Variants in MYH15 observed in about 807,000 individuals in gnomAD.
MYH15 encodes the protein myosin-15.
In MYH15, 227 loss-of-function variants were observed where a neutral mutation model predicts 240.5. The observed-to-expected ratio is 0.94, with a 90% CI of 0.85 to 1.05. The LOEUF is 1.05. Among genes scored for constraint, MYH15 ranks in the 50% least tolerant of loss-of-function variants. The probability of loss-of-function intolerance (pLI) is 0.00; values close to 1 mark genes in which losing one functional copy is unlikely to be tolerated. For synonymous variants in MYH15, 785 were observed against 796.7 expected, an observed-to-expected ratio of 0.99 and a Z score of 0.25; for missense variants, 2,217 against 2,247.5, an observed-to-expected ratio of 0.99 and a Z score of 0.27.
intron 12 of MYH15, among the ~76,000 whole-genome samples, chr3:108,473,100 A>G (rs1413679802): frequency 2.0e-5 from 3 of 152,268 alleles, no homozygotes; most frequent in South Asian, 2.1e-4. Flanking sequence ...CTCCGCCTCC[A>G]AGGTTCAAAC....
chr3:108,408,821 G>A (rs2082565895), intron 31 of MYH15, among the ~76,000 whole-genome samples: 1 of 152,166 alleles, frequency 6.6e-6, no homozygotes, highest in African/African-American at 2.4e-5. Flanking sequence ...ACTGCGACAG[G>A]AACTTAAAGT....
In MYH15 at chr3:108,444,873, A is replaced by AC. The variant is rs1251850552; in HGVS notation, c.2421_2422insG (p.Trp808ValfsTer26). On this transcript the variant is annotated frameshift_variant, in exon 22 of 41. Coordinates refer to ENST00000693548, the MANE Select transcript of MYH15 (RefSeq NM_014981.3). LOFTEE classifies it high-confidence loss of function. The stretch of plus-strand genomic sequence containing the variant: ...ACAGCCATGAAAGCTCTTATGTTCC[A>AC]TTGGATCAAAATAAGTGCATCCCTA... The AC allele has an allele frequency of 6.2e-7, 1 of 1,612,584 alleles. No individual in the cohort carries two copies. Among genetic ancestry groups the AC allele is most frequent in the African/African-American group, 1.3e-5 (1 of 74,782 alleles).
upstream of MYH15, among the ~76,000 whole-genome samples, chr3:108,530,531 T>C (rs571481642): frequency 6.8e-4 from 103 of 152,292 alleles, no homozygotes; most frequent in African/African-American, 1.9e-3. Flanking sequence ...TCCAGACCCA[T>C]AGGATGTACA....
chr3:108,516,708 T>C (rs2083575282), intron 1 of MYH15, among the ~76,000 whole-genome samples: 2 of 152,346 alleles, frequency 1.3e-5, no homozygotes, highest in South Asian at 4.1e-4. Context: ...CCAGCTACGC[T>C]ACCTGCAATT....
chr3:108,386,940 T>C (rs934899972), intron 38 of MYH15, among the ~76,000 whole-genome samples: 6 of 152,118 alleles, frequency 3.9e-5, no homozygotes, highest in African/African-American at 1.4e-4. Context: ...TGACCTTCTA[T>C]AGCAGTTACA....
intron 28 of MYH15, among the ~76,000 whole-genome samples, chr3:108,420,779 G>A (rs2107554725): frequency 6.6e-6 from 1 of 152,280 alleles, no homozygotes; most frequent in South Asian, 2.1e-4. Flanking sequence ...TTGTAAAAAT[G>A]TCATGACTAG....
intron 25 of MYH15, among the ~76,000 whole-genome samples, chr3:108,431,155 C>T (rs2082775790): frequency 6.6e-6 from 1 of 152,094 alleles, no homozygotes; most frequent in South Asian, 2.1e-4. Flanking sequence ...CAGGCTTTAA[C>T]CAAAAGTAAA....
At chr3:108,544,628 C>T in the MYH15 span, among the ~76,000 whole-genome samples, 1 of 152,134 alleles carries the variant, frequency 6.6e-6, no homozygotes, top group Non-Finnish European at 1.5e-5. Flanking sequence ...GGTGACCTTG[C>T]TTATTGTTCT....
chr3:108,491,901 A>G (rs572397528), intron 9 of MYH15, among the ~76,000 whole-genome samples: 1 of 151,748 alleles, frequency 6.6e-6, no homozygotes, highest in South Asian at 2.1e-4. Context: ...GTCTGACTGA[A>G]TCCCCTTCCC....
intron 14 of MYH15, among the ~76,000 whole-genome samples, chr3:108,466,719 C>T (rs1034078630): frequency 5.3e-5 from 8 of 152,278 alleles, no homozygotes; most frequent in Admixed American, 5.2e-4. Flanking sequence ...ACTACAAAGC[C>T]TGCCTCCTAA....
At position 108,443,218 on chromosome 3, in the gene MYH15, G is replaced by A. The variant is rs374529809; in HGVS notation, c.2655+1422C>T. 1.1e-4 allele frequency among the ~76,000 whole-genome samples: 17 copies of A among 152,170 alleles called. No homozygotes were observed. In the East Asian group the frequency reaches 1.5e-3, roughly 14 times the overall value. On this transcript the variant is annotated intron_variant, in intron 22 of 40. Coordinates refer to ENST00000693548, the MANE Select transcript of MYH15 (RefSeq NM_014981.3). ...TTTGTATTTTTAACAAGCATACCAG[G>A]TAAGACTGTATACATTGAAGTTGTA... is the stretch of plus-strand genomic sequence containing the variant.
rs755906960 is a variant in MYH15, at chr3:108,444,852, C to A, written c.2443G>T (p.Ala815Ser). The change falls in exon 22 of 41, where the codon GCT becomes TCT. Residue 815 changes from alanine to serine, a missense_variant. Coordinates refer to ENST00000693548, the MANE Select transcript of MYH15 (RefSeq NM_014981.3). ...CTCATCCAGGGCCAGTTCTTCACAG[C>A]CATGAAAGCTCTTATGTTCCATTGG... ...LIQWNIRAFMAVKNWPWMRLF... is the reference protein window; with the variant it reads ...LIQWNIRAFMSVKNWPWMRLF... The A allele has an allele frequency of 6.2e-6, 10 of 1,613,982 alleles. No individual in the cohort carries two copies. The highest frequency in any genetic ancestry group is 8.5e-6 in the Non-Finnish European group (10 of 1,179,930).
rs942617691 is a variant in MYH15 at position 108,456,780 on chromosome 3, A to G, written c.2124T>C (p.Ala708=). ...TGTAGGTTTACCTTTGTTTAAAATC[A>G]GCATACTGCAGTCGGTTTGGAAAAC... ...REGFPNRLQY[A]DFKQRYCILN... The change falls in exon 19 of 41, where the codon GCT becomes GCC. Residue 708 remains alanine (A), a synonymous_variant. Transcript: ENST00000693548. 2 of 1,611,234 alleles carry G rather than the reference A, an allele frequency of 1.2e-6. No homozygotes were observed. Among genetic ancestry groups the G allele is most frequent in the Admixed American group, 1.7e-5 (1 of 59,960 alleles).
intron 25 of MYH15, among the ~76,000 whole-genome samples, chr3:108,434,361 T>A (rs960209246): frequency 1.3e-5 from 2 of 151,738 alleles, no homozygotes; most frequent in African/African-American, 4.8e-5. Context: ...TTTGTATTTT[T>A]AGTAGAGACA....
chr3:108,524,224 T>C (rs1416880439), intron 1 of MYH15, among the ~76,000 whole-genome samples: 1 of 152,050 alleles, frequency 6.6e-6, no homozygotes, highest in African/African-American at 2.4e-5. Flanking sequence ...CTTTTCATTC[T>C]TTATAACTTT....
At chr3:108,382,975 A>C (rs2082354176) in intron 40 of MYH15, among the ~76,000 whole-genome samples, 1 of 152,134 alleles carries the variant, frequency 6.6e-6, no homozygotes, top group South Asian at 2.1e-4. Flanking sequence ...CATTTAGTAC[A>C]TTGTTCTTTG....
Position 108,444,669 on chromosome 3 carries a change from T to C in MYH15, c.2626A>G (p.Lys876Glu). Reference protein sequence around the residue: ...KAKQVSLTQEKNDLILQLQAE... With the variant: ...KAKQVSLTQEENDLILQLQAE... Reference sequence around the variant, plus strand: ...TGAAGCTGAAGAATCAGGTCATTTTTTTCCTGAGTGAGGGATACTTGCTTT... The same window carrying C: ...TGAAGCTGAAGAATCAGGTCATTTTCTTCCTGAGTGAGGGATACTTGCTTT... The change falls in exon 22 of 41, where the codon AAA becomes GAA. Residue 876 changes from lysine (K) to glutamate (E), a missense_variant. Physicochemically the swap from Lys to Glu is moderately conservative, Grantham distance 56. Coordinates refer to ENST00000693548, the MANE Select transcript of MYH15 (RefSeq NM_014981.3). 1 of 1,614,066 alleles carries C rather than the reference T, an allele frequency of 6.2e-7. No individual in the cohort carries two copies. The highest frequency in any genetic ancestry group is 8.5e-7 in the Non-Finnish European group (1 of 1,179,958).
intron 5 of MYH15, among the ~76,000 whole-genome samples, chr3:108,498,837 T>C (rs754405361): frequency 9.9e-5 from 15 of 152,224 alleles, no homozygotes; most frequent in African/African-American, 1.4e-4. Flanking sequence ...AACACCATCA[T>C]TGCATGGGAA....
intron 15 of MYH15, among the ~76,000 whole-genome samples, chr3:108,463,811 TA>T (rs1476928841): frequency 5.3e-5 from 8 of 151,206 alleles, no homozygotes; most frequent in African/African-American, 1.9e-4. Flanking sequence ...GGGAGAGAGA[TA>T]GGGGAAGAAG....
Sources: allele counts gnomAD v4.1 joint callset (sites outside exome capture counted in the v4.1 genomes callset), GRCh38; gene constraint gnomAD v4.1.1; transcripts MANE v1.5; gene names NCBI Gene and HGNC (gene_info 2026-07-23, HGNC 2026-07-21).